Variants in NALF1 observed in about 807,000 individuals in gnomAD.
The protein encoded by NALF1 is family with sequence similarity 155 member A.
Under a neutral mutation model 48.4 loss-of-function variants are expected in NALF1, and 3 were observed. The observed-to-expected ratio is 0.06, with a 90% CI of 0.03 to 0.16. The LOEUF (loss-of-function observed/expected upper bound fraction) is 0.16, where lower values mean the gene tolerates loss of function less well. Ranked by LOEUF, NALF1 falls within the 10% of genes least tolerant of loss-of-function variation. NALF1 has a pLI of 1.00. For synonymous variants in NALF1, 262 were observed against 245.7 expected (o/e 1.07, Z -0.62); for missense variants, 526 against 571.5 (o/e 0.92, Z 0.81).
At chr13:107,325,887 T>TATATATATATATATATAC (rs752320518) in intron 1 of NALF1, among the ~76,000 whole-genome samples, 1 of 58,876 alleles carries the variant, frequency 1.7e-5, no homozygotes, top group African/African-American at 5.3e-5. Flanking sequence ...TATATATATA[T>TATATATATATATATATAC]ACACACACAC....
At chr13:107,750,931 G>A (rs902576726) in intron 1 of NALF1, among the ~76,000 whole-genome samples, 1 of 152,024 alleles carries the variant, frequency 6.6e-6, no homozygotes, top group African/African-American at 2.4e-5. Flanking sequence ...TTCACTTAAA[G>A]ACTCCATTCT....
chr13:107,657,553 G>A lies in NALF1; in HGVS notation c.915+208129C>T, dbSNP rs1880615133. ...AGAAAGTTTACAGTGGAAGTTTTGG[G>A]GAGAGGATCACATGTATTGAGTATG... On this transcript the variant is annotated intron_variant, in intron 1 of 2. Coordinates refer to ENST00000375915, the MANE Select transcript of NALF1 (RefSeq NM_001080396.3). Among the ~76,000 whole-genome samples, 9 of 152,226 alleles carry A rather than the reference G, an allele frequency of 5.9e-5. No homozygotes were observed. The South Asian group carries it at 1.7e-3, about 28-fold the overall frequency.
At chr13:107,510,264 T>C (rs1393548742) in intron 1 of NALF1, among the ~76,000 whole-genome samples, 14 of 152,184 alleles carry the variant, frequency 9.2e-5, no homozygotes, top group Non-Finnish European at 1.5e-5. Flanking sequence ...TTCCCCTCCA[T>C]AACTTTGGGG....
intron 1 of NALF1, among the ~76,000 whole-genome samples, chr13:107,836,411 TA>T (rs760616092): frequency 6.6e-6 from 1 of 152,182 alleles, no homozygotes; most frequent in Non-Finnish European, 1.5e-5. Flanking sequence ...GAGAGAATAG[TA>T]AGCCTTGAAA....
intron 1 of NALF1, among the ~76,000 whole-genome samples, chr13:107,336,330 G>A (rs1359740753): frequency 6.6e-6 from 1 of 151,478 alleles, no homozygotes; most frequent in Non-Finnish European, 1.5e-5. Flanking sequence ...TCCAGCCTAG[G>A]TGATAGAGCA....
At chr13:107,261,805 T>TG (rs1486578022) in intron 1 of NALF1, among the ~76,000 whole-genome samples, 1 of 152,124 alleles carries the variant, frequency 6.6e-6, no homozygotes, top group Admixed American at 6.5e-5. Flanking sequence ...CTTGAGCAAA[T>TG]AAATCACTAA....
intron 1 of NALF1, among the ~76,000 whole-genome samples, chr13:107,374,261 C>G (rs1311525387): frequency 1.3e-5 from 2 of 152,128 alleles, no homozygotes; most frequent in Admixed American, 1.3e-4. Flanking sequence ...CATCATCCCT[C>G]TAAGGTATGT....
chr13:107,313,306 C>G (rs934244114), intron 1 of NALF1, among the ~76,000 whole-genome samples: 1 of 151,728 alleles, frequency 6.6e-6, no homozygotes, highest in African/African-American at 2.4e-5. Flanking sequence ...CTAATCATAA[C>G]GTGATAGGAA....
At chr13:107,216,162 C>T (rs530926166) in intron 1 of NALF1, among the ~76,000 whole-genome samples, 8 of 152,272 alleles carry the variant, frequency 5.3e-5, no homozygotes, top group East Asian at 1.9e-4. Context: ...GCTCTAACCC[C>T]GCTAGCGGCC....
chr13:107,653,356 G>T (rs868015967), intron 1 of NALF1, among the ~76,000 whole-genome samples: 11 of 151,994 alleles, frequency 7.2e-5, no homozygotes, highest in Non-Finnish European at 1.5e-4. Flanking sequence ...TTTCCTGACT[G>T]TTGAAAGAGA....
At chr13:107,687,946 A>G (rs1881476421) in intron 1 of NALF1, among the ~76,000 whole-genome samples, 1 of 152,216 alleles carries the variant, frequency 6.6e-6, no homozygotes, top group African/African-American at 2.4e-5. Flanking sequence ...TTAGGCAAAA[A>G]TATATTTAAT....
Position 107,273,444 on chromosome 13 carries a change from A to G in NALF1, c.916-62689T>C, listed in dbSNP as rs73584911. Among the ~76,000 whole-genome samples, 538 of 152,332 alleles carry G rather than the reference A, an allele frequency of 3.5e-3. 2 individuals carry two copies. Among genetic ancestry groups the G allele is most frequent in the African/African-American group, 0.012 (503 of 41,574 alleles). The stretch of plus-strand genomic sequence containing the variant: ...TTTGTTACAGGTGCCTCAGCCATGA[A>G]CCTAGCATAGAGGAGGAAAAATATC... On this transcript the variant is annotated intron_variant, in intron 1 of 2. Coordinates refer to ENST00000375915, the MANE Select transcript of NALF1 (RefSeq NM_001080396.3).
intron 1 of NALF1, among the ~76,000 whole-genome samples, chr13:107,709,556 G>A (rs533623384): frequency 2.0e-5 from 3 of 152,300 alleles, no homozygotes; most frequent in Admixed American, 6.5e-5. Context: ...AGTCTAGATT[G>A]CAACCATATC....
At chr13:107,608,677 AT>A (rs1879139657) in intron 1 of NALF1, among the ~76,000 whole-genome samples, 1 of 152,230 alleles carries the variant, frequency 6.6e-6, no homozygotes, top group South Asian at 2.1e-4. Context: ...GTCGAATATA[AT>A]TAAGCAACTT....
chr13:107,839,517 T>A (rs941740818), intron 1 of NALF1, among the ~76,000 whole-genome samples: 4 of 151,560 alleles, frequency 2.6e-5, no homozygotes, highest in Non-Finnish European at 5.9e-5. Flanking sequence ...GCACATTCCA[T>A]ACATTAATGC....
At chr13:107,289,450 G>A (rs1256967395) in intron 1 of NALF1, among the ~76,000 whole-genome samples, 2 of 151,958 alleles carry the variant, frequency 1.3e-5, no homozygotes, top group Non-Finnish European at 2.9e-5. Flanking sequence ...TAAATATTCC[G>A]GATTTTTTTG....
chr13:107,626,789 G>A (rs1879686009), intron 1 of NALF1, among the ~76,000 whole-genome samples: 1 of 151,906 alleles, frequency 6.6e-6, no homozygotes, highest in African/African-American at 2.4e-5. Context: ...GGAAGGGGTG[G>A]GAGGAGGAGA....
intron 1 of NALF1, among the ~76,000 whole-genome samples, chr13:107,842,771 T>G (rs1446867814): frequency 6.6e-6 from 1 of 152,066 alleles, no homozygotes; most frequent in African/African-American, 2.4e-5. Context: ...AGCTCTCAAC[T>G]TCCTAGGTTA....
intron 1 of NALF1, among the ~76,000 whole-genome samples, chr13:107,597,706 C>T (rs911428123): frequency 2.6e-5 from 4 of 152,024 alleles, no homozygotes; most frequent in Admixed American, 2.0e-4. Context: ...CTTACTGAGA[C>T]CAAACCTATG....
Sources: allele counts gnomAD v4.1 joint callset (sites outside exome capture counted in the v4.1 genomes callset), GRCh38; gene constraint gnomAD v4.1.1; transcripts MANE v1.5; gene names NCBI Gene and HGNC (gene_info 2026-07-23, HGNC 2026-07-21).